Variants in EBF4 observed in about 807,000 individuals in gnomAD.
The protein encoded by EBF4 is transcription factor COE4.
In EBF4, 34 loss-of-function variants were observed where a neutral mutation model predicts 67.1. The observed-to-expected ratio is 0.51, with a 90% CI of 0.39 to 0.67. The LOEUF is 0.67. EBF4 is among the 30% of genes least tolerant of loss of function. The pLI is 0.00. For synonymous variants in EBF4, 387 were observed against 377.7 expected (o/e 1.02, Z -0.29); for missense variants, 837 against 873.3 (o/e 0.96, Z 0.52).
Position 2,707,808 on chromosome 20 carries a change from G to A in EBF4, c.415-139G>A. ...TTATCCCCCGCCTGGGCAGCCCAGA[G>A]CAAGGCAGAGGGCGTGCTCTTCCCT... On this transcript the variant is annotated intron_variant, in intron 4 of 16. Coordinates refer to ENST00000609451, the Ensembl canonical transcript of EBF4. This position sits in a 1 kb window ranked among gnomAD's most constrained non-coding sequence, Gnocchi z 4.6. The A allele has an allele frequency of 1.2e-6, 1 of 803,536 alleles. No individual in the cohort carries two copies. The highest frequency in any genetic ancestry group is 1.9e-6 in the Non-Finnish European group (1 of 535,596). 49.8% of individuals were successfully genotyped at this position (803,536 alleles called of 1,614,324 possible). A position where few individuals can be genotyped will look rare whatever the true frequency, so the allele number is the denominator to read the frequency against.
At chr20:2,725,665 C>A (rs1440370614) in intron 6 of EBF4, among the ~76,000 whole-genome samples, 1 of 152,174 alleles carries the variant, frequency 6.6e-6, no homozygotes, top group Non-Finnish European at 1.5e-5. Flanking sequence ...AATCTGGCCC[C>A]AAACCGGGTA....
chr20:2,705,515 G>T lies in EBF4; in HGVS notation c.138-62G>T. 3 of 1,550,224 alleles carry T rather than the reference G, an allele frequency of 1.9e-6. No individual in the cohort carries two copies. In the South Asian group the frequency reaches 3.6e-5, roughly 18 times the overall value. ...GGCTAGCATGCCTGCCTGGCCCGAGGCGCTGGAGTCTTTCTCACTGGGGGG... is the reference window on the plus strand; with the variant it reads ...GGCTAGCATGCCTGCCTGGCCCGAGTCGCTGGAGTCTTTCTCACTGGGGGG... On this transcript the variant is annotated intron_variant, in intron 1 of 16. Transcript: ENST00000609451.
chr20:2,706,178 G>A, intron 3 of EBF4, 31 bp from the exon 4 acceptor site: 1 of 1,552,000 alleles, frequency 6.4e-7, no homozygotes, highest in Non-Finnish European at 8.7e-7. Flanking sequence ...TGCTCCCCCA[G>A]CAGCAAGCCC....
At chr20:2,731,212 A>G (rs542320798) in intron 6 of EBF4, among the ~76,000 whole-genome samples, 1 of 152,154 alleles carries the variant, frequency 6.6e-6, no homozygotes, top group African/African-American at 2.4e-5. Context: ...TTGCTGTTTG[A>G]TGACACTGTA....
At chr20:2,713,224 G>T (rs1209384018) in intron 6 of EBF4, among the ~76,000 whole-genome samples, 1 of 152,162 alleles carries the variant, frequency 6.6e-6, no homozygotes, top group Non-Finnish European at 1.5e-5. Flanking sequence ...GTGGCAAAAG[G>T]GATGTGACCT....
chr20:2,752,536 C>T (rs1311507875), exon 14 of EBF4: 3 of 1,249,230 alleles, frequency 2.4e-6, no homozygotes, highest in South Asian at 3.3e-5. Flanking sequence ...CGCCACCTCG[C>T]CCTTCGCCAG....
At chr20:2,759,024 G>A in intron 16 of EBF4, 40 bp downstream of exon 16, 1 of 1,530,488 alleles carries the variant, frequency 6.5e-7, no homozygotes, top group Non-Finnish European at 8.9e-7. Context: ...CGCCCCACCT[G>A]GCCCTGAGAT....
intron 6 of EBF4, among the ~76,000 whole-genome samples, chr20:2,714,481 A>G (rs1051174611): frequency 2.0e-5 from 3 of 152,096 alleles, no homozygotes; most frequent in African/African-American, 7.2e-5. Context: ...CCTCTGAAGT[A>G]GCTGGGACCA....
At chr20:2,725,727 A>G (rs1391852873) in intron 6 of EBF4, among the ~76,000 whole-genome samples, 1 of 152,200 alleles carries the variant, frequency 6.6e-6, no homozygotes, top group Non-Finnish European at 1.5e-5. Context: ...AAGGGGTGCT[A>G]CCAACCTCAG....
chr20:2,733,403 A>G (rs565522341), intron 6 of EBF4, among the ~76,000 whole-genome samples: 2 of 152,228 alleles, frequency 1.3e-5, no homozygotes, highest in South Asian at 4.2e-4. Context: ...CTTTGTGTTC[A>G]TACTACTTGG....
chr20:2,748,761 T>A, intron 7 of EBF4, 131 bp downstream of exon 7: 1 of 1,060,712 alleles, frequency 9.4e-7, no homozygotes, highest in Non-Finnish European at 1.3e-6. Flanking sequence ...CCCAGCCCTG[T>A]GCCTCCCCAG....
At chr20:2,709,245 T>A (rs923613061) in intron 5 of EBF4, among the ~76,000 whole-genome samples, 1 of 152,222 alleles carries the variant, frequency 6.6e-6, no homozygotes, top group South Asian at 2.1e-4. Flanking sequence ...TTTGAGCTCC[T>A]GTCTCTGCGT....
chr20:2,709,233 C>T (rs1248300975), intron 5 of EBF4, among the ~76,000 whole-genome samples: 4 of 152,078 alleles, frequency 2.6e-5, no homozygotes, highest in Non-Finnish European at 4.4e-5. Flanking sequence ...ATGAGCTCAC[C>T]GTTTGAGCTC....
At position 2,741,268 on chromosome 20, in the gene EBF4, C is replaced by T. The variant is rs565291801; in HGVS notation, c.558-7281C>T. 4.6e-5 allele frequency among the ~76,000 whole-genome samples: 7 copies of T among 152,164 alleles called. 1 individual carries two copies. Among genetic ancestry groups the T allele is most frequent in the African/African-American group, 1.7e-4 (7 of 41,504 alleles). On this transcript the variant is annotated intron_variant, in intron 6 of 16. Coordinates refer to ENST00000609451, the Ensembl canonical transcript of EBF4. Reference sequence around the variant, plus strand: ...TCAAGGCTGCAGTGAGCCAAGATCACACCACTGCACTCCAGTCTGGGTGAC... The same window carrying T: ...TCAAGGCTGCAGTGAGCCAAGATCATACCACTGCACTCCAGTCTGGGTGAC...
Position 2,751,666 on chromosome 20 carries a change from G to A in EBF4, c.1019-34G>A. 6.5e-7 allele frequency: 1 copy of A among 1,546,226 alleles called. No individual in the cohort carries two copies. The highest frequency in any genetic ancestry group is 8.7e-7 in the Non-Finnish European group (1 of 1,143,210). ...CACCCTGGGAGTGGGGGGCTGCGGG[G>A]GAGACGTCCTCCAAACGCCGCCCCC... On this transcript the variant is annotated intron_variant, in intron 10 of 16. Transcript: ENST00000609451. The surrounding 1 kb of genome is among the most constrained non-coding windows in gnomAD (Gnocchi z 5.2).
At chr20:2,736,705 C>G (rs2087882042) in intron 6 of EBF4, among the ~76,000 whole-genome samples, 1 of 152,190 alleles carries the variant, frequency 6.6e-6, no homozygotes, top group African/African-American at 2.4e-5. Flanking sequence ...TCCCCATTCC[C>G]CCCAACCCCC....
chr20:2,757,463 C>T (rs879913675), intron 15 of EBF4, among the ~76,000 whole-genome samples: 2 of 48,268 alleles, frequency 4.1e-5, no homozygotes, highest in African/African-American at 1.6e-4. Flanking sequence ...CCAGGGAGGG[C>T]GGGAGGGCAA....
At chr20:2,714,614 A>C (rs1269686153) in intron 6 of EBF4, among the ~76,000 whole-genome samples, 2 of 152,208 alleles carry the variant, frequency 1.3e-5, no homozygotes, top group Admixed American at 1.3e-4. Context: ...GGCCTCCCAA[A>C]GTGCTGGGAT....
intron 1 of EBF4, among the ~76,000 whole-genome samples, chr20:2,702,369 A>C (rs999306869): frequency 6.6e-6 from 1 of 151,890 alleles, no homozygotes; most frequent in Non-Finnish European, 1.5e-5. Flanking sequence ...TTGAGGCTGC[A>C]GTGAGCTATA....
Sources: allele counts gnomAD v4.1 joint callset (sites outside exome capture counted in the v4.1 genomes callset), GRCh38; gene constraint gnomAD v4.1.1; non-coding constraint Gnocchi (gnomAD v3.1); transcripts MANE v1.5; gene names NCBI Gene and HGNC (gene_info 2026-07-23, HGNC 2026-07-21).